FCHSD2: variants seen among roughly 807,000 people sequenced by gnomAD.
The protein encoded by FCHSD2 is F-BAR and double SH3 domains protein 2.
FCHSD2 carries 38 observed loss-of-function variants against 108.1 expected under a neutral mutation model. That is an observed-to-expected ratio of 0.35 (90% CI 0.27 to 0.46). The LOEUF (loss-of-function observed/expected upper bound fraction) is 0.46. Among genes scored for constraint, FCHSD2 ranks in the 20% least tolerant of loss-of-function variants. The pLI, the probability that FCHSD2 is intolerant of heterozygous loss-of-function variation, is 1.00. For synonymous variants in FCHSD2, 279 were observed against 314.7 expected, an observed-to-expected ratio of 0.89 and a Z score of 1.20; for missense variants, 751 against 897.8, an observed-to-expected ratio of 0.84 and a Z score of 2.09.
At chr11:73,092,203 C>A (rs1451483456) in intron 2 of FCHSD2, among the ~76,000 whole-genome samples, 1 of 152,140 alleles carries the variant, frequency 6.6e-6, no homozygotes, top group African/African-American at 2.4e-5. Flanking sequence ...TCATAGCTCA[C>A]AGCAGTCTCT....
intron 2 of FCHSD2, among the ~76,000 whole-genome samples, chr11:73,090,591 G>A (rs1279395050): frequency 6.6e-6 from 1 of 152,000 alleles, no homozygotes; most frequent in African/African-American, 2.4e-5. Flanking sequence ...TGCCTACTCT[G>A]GTTCCCTTAG....
At chr11:72,925,358 A>G (rs573728481) in intron 8 of FCHSD2, among the ~76,000 whole-genome samples, 1 of 152,236 alleles carries the variant, frequency 6.6e-6, no homozygotes, top group South Asian at 2.1e-4. Flanking sequence ...TCAGCTTCTT[A>G]AATCCTACTT....
chr11:72,905,434 T>C (rs1379163431), intron 9 of FCHSD2, among the ~76,000 whole-genome samples: 1 of 152,160 alleles, frequency 6.6e-6, no homozygotes, highest in Non-Finnish European at 1.5e-5. Context: ...AAAAATCCAA[T>C]TATACTTTTT....
chr11:72,943,284 T>G (rs1856457526), intron 8 of FCHSD2, among the ~76,000 whole-genome samples: 1 of 152,214 alleles, frequency 6.6e-6, no homozygotes, highest in Admixed American at 6.5e-5. Flanking sequence ...TGACCTACTT[T>G]GCCCAGCCCT....
At chr11:73,120,376 C>T (rs1020147588) in intron 2 of FCHSD2, among the ~76,000 whole-genome samples, 1 of 152,120 alleles carries the variant, frequency 6.6e-6, no homozygotes, top group Non-Finnish European at 1.5e-5. Context: ...TATTAATTGG[C>T]CAACAATGTC....
chr11:73,028,137 C>T (rs1159907877), intron 3 of FCHSD2, among the ~76,000 whole-genome samples: 1 of 152,088 alleles, frequency 6.6e-6, no homozygotes, highest in East Asian at 1.9e-4. Flanking sequence ...GAGAAGAGAG[C>T]CACCATCCTC....
intron 3 of FCHSD2, among the ~76,000 whole-genome samples, chr11:73,038,323 C>T (rs1204214317): frequency 6.8e-6 from 1 of 146,006 alleles, no homozygotes. Flanking sequence ...GCCTGGGTGA[C>T]AGAGTAAGAC....
chr11:73,131,281 G>A (rs1414023332), intron 2 of FCHSD2, among the ~76,000 whole-genome samples: 1 of 151,516 alleles, frequency 6.6e-6, no homozygotes, highest in Non-Finnish European at 1.5e-5. Flanking sequence ...ACTGTGGGAG[G>A]CCGAGGCAGG....
chr11:72,974,956 C>T lies in FCHSD2; in HGVS notation c.705+9132G>A, dbSNP rs533613078. Among the ~76,000 whole-genome samples the T allele has an allele frequency of 3.9e-5, 6 of 152,148 alleles. No homozygotes were observed. The East Asian group carries it at 7.7e-4, about 20-fold the overall frequency. ...TCAGAGGTACAAGAGCTAGAGACGACAGAGAAACCAGAAGAGCCACAACTC... is the reference window on the plus strand; with the variant it reads ...TCAGAGGTACAAGAGCTAGAGACGATAGAGAAACCAGAAGAGCCACAACTC... On this transcript the variant is annotated intron_variant, in intron 8 of 19. Transcript: ENST00000409418.
At chr11:73,016,029 G>A (rs543910309) in intron 3 of FCHSD2, 144 bp from the exon 4 acceptor site, 142 of 589,602 alleles carry the variant, frequency 2.4e-4, no homozygotes, top group Middle Eastern at 9.1e-4. Context: ...TAGGCTGCAC[G>A]TGGTGGCTTA....
At chr11:73,033,746 G>C (rs558032326) in intron 3 of FCHSD2, among the ~76,000 whole-genome samples, 1 of 152,226 alleles carries the variant, frequency 6.6e-6, no homozygotes, top group Non-Finnish European at 1.5e-5. Context: ...ACTTGAGTTT[G>C]AGTACTGTAC....
intron 4 of FCHSD2, among the ~76,000 whole-genome samples, chr11:73,011,062 A>G (rs1428723420): frequency 6.6e-6 from 1 of 152,130 alleles, no homozygotes; most frequent in Non-Finnish European, 1.5e-5. Flanking sequence ...AGGGGTGGGT[A>G]GAACCAACCT....
At chr11:73,127,896 G>A (rs1860896788) in intron 2 of FCHSD2, among the ~76,000 whole-genome samples, 2 of 150,868 alleles carry the variant, frequency 1.3e-5, no homozygotes, top group African/African-American at 4.9e-5. Flanking sequence ...AAGAGTTTGA[G>A]ACCAGCCTGG....
At chr11:72,842,921 C>A in intron 16 of FCHSD2, 80 bp from the exon 17 acceptor site, 1 of 1,091,750 alleles carries the variant, frequency 9.2e-7, no homozygotes. Context: ...GCTCACATGA[C>A]AACTAAAAGA....
chr11:73,029,167 T>C (rs1012301689), intron 3 of FCHSD2, among the ~76,000 whole-genome samples: 17 of 152,128 alleles, frequency 1.1e-4, no homozygotes, highest in African/African-American at 4.1e-4. Context: ...TAAAAATCAA[T>C]TTGCATTTTT....
intron 3 of FCHSD2, among the ~76,000 whole-genome samples, chr11:73,057,533 G>C (rs1306639440): frequency 6.6e-6 from 1 of 152,020 alleles, no homozygotes; most frequent in Admixed American, 6.6e-5. Flanking sequence ...GGACAGAAGG[G>C]AAGAAGAGAG....
At chr11:72,918,354 T>C (rs1855916623) in intron 9 of FCHSD2, among the ~76,000 whole-genome samples, 1 of 152,210 alleles carries the variant, frequency 6.6e-6, no homozygotes, top group African/African-American at 2.4e-5. Flanking sequence ...TTCTTCTTTT[T>C]CAATTTGGCT....
At chr11:73,095,566 T>C (rs1168460505) in intron 2 of FCHSD2, among the ~76,000 whole-genome samples, 1 of 151,978 alleles carries the variant, frequency 6.6e-6, no homozygotes, top group Admixed American at 6.6e-5. Context: ...TGTATGGACA[T>C]ATAAGGGAAT....
intron 3 of FCHSD2, among the ~76,000 whole-genome samples, chr11:73,026,099 G>C (rs771316613): frequency 6.6e-6 from 1 of 151,974 alleles, no homozygotes; most frequent in Non-Finnish European, 1.5e-5. Context: ...TCAGACTCTA[G>C]AGTAGTTGGG....
Sources: gnomAD v4.1 joint callset for allele counts (sites outside exome capture counted in the v4.1 genomes callset) on GRCh38, gnomAD v4.1.1 for gene constraint, MANE v1.5 for transcripts, NCBI Gene and HGNC (gene_info 2026-07-23, HGNC 2026-07-21) for gene names.